Variants in C5orf63 observed in about 807,000 individuals in gnomAD.
C5orf63 encodes chromosome 5 open reading frame 63, also known as glutaredoxin-like protein C5orf63.
Under a neutral mutation model 13.3 loss-of-function variants are expected in C5orf63, and 18 were observed. The observed-to-expected ratio is 1.36, with a 90% confidence interval of 0.94 to 2.01. C5orf63 has a LOEUF of 2.01. Ranked by LOEUF, C5orf63 falls within the 30% of genes most tolerant of loss-of-function variation. The probability of loss-of-function intolerance (pLI) is 0.00; values close to 1 mark genes in which losing one functional copy is unlikely to be tolerated. For synonymous variants in C5orf63, 38 were observed against 44.7 expected (o/e 0.85, Z 0.60); for missense variants, 118 against 127.7 (o/e 0.92, Z 0.36).
Position 127,052,658 on chromosome 5 carries a change from G to A in C5orf63, c.126C>T (p.Pro42=), listed in dbSNP as rs374041179. 13 of 1,507,494 alleles carry A rather than the reference G, an allele frequency of 8.6e-6. No individual in the cohort carries two copies. In the African/African-American group the frequency reaches 1.3e-4, roughly 15 times the overall value. The allele number at this position is 1,507,494 out of a possible 1,614,324, so 93.4% of individuals were successfully genotyped here. A position where few individuals can be genotyped will look rare whatever the true frequency, so the allele number is the denominator to read the frequency against. The change falls in exon 4 of 5, where the codon CCC becomes CCT. Residue 42 remains proline, a synonymous_variant. Coordinates refer to ENST00000296662, the MANE Select transcript of C5orf63 (RefSeq NM_001164478.2). ...GTACTTCCTTGGCTTCATCACAAAG[G>A]GGGCATGGGTCCTACAGGAAGAAAA... The part of the protein sequence containing the change: ...VLTLFTKDPC[P]LCDEAKEVLK...
downstream of C5orf63, chr5:127,047,654 T>C: frequency 1.4e-6 from 1 of 698,998 alleles, no homozygotes; most frequent in Non-Finnish European, 2.6e-6. Flanking sequence ...TCCTATATAT[T>C]TGGTGGATGA....
At chr5:127,069,941 T>TTA (rs1392136788) in intron 2 of C5orf63, among the ~76,000 whole-genome samples, 2 of 151,878 alleles carry the variant, frequency 1.3e-5, no homozygotes, top group Admixed American at 1.3e-4. Context: ...TGGCATATTT[T>TTA]TATATATAAT....
intron 3 of C5orf63, among the ~76,000 whole-genome samples, chr5:127,057,098 C>T (rs1753912337): frequency 6.6e-6 from 1 of 152,190 alleles, no homozygotes; most frequent in African/African-American, 2.4e-5. Flanking sequence ...GATTATTTAA[C>T]TTCTGTGGTT....
At chr5:127,072,673 A>G (rs1168368097) in intron 1 of C5orf63, among the ~76,000 whole-genome samples, 1 of 152,188 alleles carries the variant, frequency 6.6e-6, no homozygotes, top group Non-Finnish European at 1.5e-5. Flanking sequence ...ATAAAGTACC[A>G]CATATACACT....
chr5:127,068,210 G>T (rs960651605), intron 2 of C5orf63, among the ~76,000 whole-genome samples: 1 of 152,072 alleles, frequency 6.6e-6, no homozygotes, highest in Non-Finnish European at 1.5e-5. Context: ...TCAGAGAAGG[G>T]GAAATCACAT....
chr5:127,059,283 G>A (rs1400053120), intron 2 of C5orf63, among the ~76,000 whole-genome samples: 1 of 152,210 alleles, frequency 6.6e-6, no homozygotes, highest in Non-Finnish European at 1.5e-5. Context: ...GCATGGGTTT[G>A]TTAATTTGAA....
At chr5:127,045,216 C>T (rs1439315340), downstream of C5orf63, 1 of 152,188 alleles carries the variant, frequency 6.6e-6, no homozygotes, top group East Asian at 1.9e-4. Flanking sequence ...ACAAACTTGG[C>T]TTAAAACAAC....
chr5:127,050,171 A>C (rs1753625411), downstream of C5orf63, among the ~76,000 whole-genome samples: 2 of 152,186 alleles, frequency 1.3e-5, no homozygotes, highest in African/African-American at 4.8e-5. Context: ...TAATCACAGC[A>C]GTGATATTTC....
At chr5:127,044,858 T>A (rs1351136886), downstream of C5orf63, 1 of 147,234 alleles carries the variant, frequency 6.8e-6, no homozygotes, top group African/African-American at 2.5e-5. Context: ...CAAGCTATAC[T>A]CCCACCTCTT....
At chr5:127,043,408 T>C (rs1043440999), downstream of C5orf63, 1 of 152,264 alleles carries the variant, frequency 6.6e-6, no homozygotes, top group Middle Eastern at 3.4e-3. Flanking sequence ...AAATCTGACA[T>C]TGATAAGAAC....
chr5:127,068,549 A>T (rs947783809), intron 2 of C5orf63, among the ~76,000 whole-genome samples: 3 of 152,182 alleles, frequency 2.0e-5, no homozygotes, highest in Non-Finnish European at 2.9e-5. Flanking sequence ...CTTACTATTA[A>T]ACACATTTTA....
intron 2 of C5orf63, among the ~76,000 whole-genome samples, chr5:127,065,699 T>G (rs1037415904): frequency 6.6e-6 from 1 of 152,064 alleles, no homozygotes; most frequent in Non-Finnish European, 1.5e-5. Context: ...TCTGAATGAG[T>G]GATGTGATAA....
chr5:127,055,971 A>C (rs772941541), intron 3 of C5orf63, among the ~76,000 whole-genome samples: 1 of 152,184 alleles, frequency 6.6e-6, no homozygotes, highest in Non-Finnish European at 1.5e-5. Flanking sequence ...AGTGGAATGG[A>C]CCATTCAAAT....
At chr5:127,067,685 G>C (rs1217558260) in intron 2 of C5orf63, among the ~76,000 whole-genome samples, 1 of 151,944 alleles carries the variant, frequency 6.6e-6, no homozygotes, top group Non-Finnish European at 1.5e-5. Flanking sequence ...CTTCCAATTG[G>C]TTTTTCCCAA....
At chr5:127,062,902 A>T (rs138719285) in intron 2 of C5orf63, among the ~76,000 whole-genome samples, 1 of 152,196 alleles carries the variant, frequency 6.6e-6, no homozygotes, top group Non-Finnish European at 1.5e-5. Flanking sequence ...ACACACAGAC[A>T]TGATTTTATC....
At chr5:127,063,614 C>T (rs925852815) in intron 2 of C5orf63, among the ~76,000 whole-genome samples, 6 of 152,142 alleles carry the variant, frequency 3.9e-5, no homozygotes, top group Non-Finnish European at 5.9e-5. Context: ...AGTTCATGTG[C>T]AAAATCAAAA....
intron 3 of C5orf63, among the ~76,000 whole-genome samples, chr5:127,055,681 T>A (rs1027412493): frequency 6.6e-6 from 1 of 152,086 alleles, no homozygotes; most frequent in African/African-American, 2.4e-5. Context: ...AAGATAAACA[T>A]CCTAAAATTT....
Position 127,051,387 on chromosome 5 carries a change from T to G in C5orf63, c.*384A>C. On this transcript the variant is annotated 3_prime_UTR_variant, in exon 5 of 5. Coordinates refer to ENST00000296662, the MANE Select transcript of C5orf63 (RefSeq NM_001164478.2). ...TTTATCTACTGAGTGGAAGAGCATT[T>G]ATTCTTTCATTAAAAAGTTAAGCCC... 1.6e-6 allele frequency: 2 copies of G among 1,232,726 alleles called. No individual in the cohort carries two copies. Among genetic ancestry groups the G allele is most frequent in the Non-Finnish European group, 2.0e-6 (2 of 988,506 alleles). 76.4% of individuals were successfully genotyped at this position (1,232,726 alleles called of 1,614,324 possible). A position where few individuals can be genotyped will look rare whatever the true frequency, so the allele number is the denominator to read the frequency against.
chr5:127,052,380 A>C (rs1000411575), intron 4 of C5orf63: 3 of 385,798 alleles, frequency 7.8e-6, no homozygotes, highest in Non-Finnish European at 1.4e-5. Flanking sequence ...CCTGCTAGTT[A>C]ACTTTGACTC....
Sources: allele counts gnomAD v4.1 joint callset (sites outside exome capture counted in the v4.1 genomes callset), GRCh38; gene constraint gnomAD v4.1.1; transcripts MANE v1.5; gene names NCBI Gene and HGNC (gene_info 2026-07-23, HGNC 2026-07-21).